ZBTB44: variants seen among roughly 807,000 people sequenced by gnomAD.
The protein encoded by ZBTB44 is zinc finger and BTB domain-containing protein 44.
A neutral mutation model predicts 54.0 loss-of-function variants in ZBTB44; 15 were observed. That is an observed-to-expected ratio of 0.28 (90% CI 0.19 to 0.43). ZBTB44 has a LOEUF of 0.43. Among genes scored for constraint, ZBTB44 ranks in the 20% least tolerant of loss-of-function variants. The probability of loss-of-function intolerance (pLI) is 1.00; values close to 1 mark genes in which losing one functional copy is unlikely to be tolerated. For synonymous variants in ZBTB44, 230 were observed against 250.1 expected (o/e 0.92, Z 0.76); for missense variants, 487 against 707.1 (o/e 0.69, Z 3.53).
At chr11:130,309,476 T>C (rs529871433) in intron 1 of ZBTB44, among the ~76,000 whole-genome samples, 22 of 152,298 alleles carry the variant, frequency 1.4e-4, no homozygotes, top group African/African-American at 4.8e-4. Context: ...TAATTATGAA[T>C]TTATATCAAA....
chr11:130,300,682 G>A (rs1941940868), intron 1 of ZBTB44, among the ~76,000 whole-genome samples: 2 of 152,178 alleles, frequency 1.3e-5, no homozygotes, highest in African/African-American at 2.4e-5. Flanking sequence ...GTCAAATGCT[G>A]CTGACTGGTC....
Position 130,231,023 on chromosome 11 carries a change from T to A in ZBTB44, c.*741A>T, listed in dbSNP as rs1953857480. 6.6e-6 allele frequency: 1 copy of A among 152,106 alleles called. No individual in the cohort carries two copies. The allele number at this position is 152,106 out of a possible 1,614,324, so 9.4% of individuals were successfully genotyped here. A position where few individuals can be genotyped will look rare whatever the true frequency, so the allele number is the denominator to read the frequency against. On this transcript the variant is annotated 3_prime_UTR_variant, in exon 8 of 8. Coordinates refer to ENST00000357899, the MANE Select transcript of ZBTB44 (RefSeq NM_001301098.2). Reference sequence around the variant, plus strand: ...TACCACAAAGTTACCCTCCTGGCCTTAAGAAAGATAGCTACGTTTAAGCAC... The same window carrying A: ...TACCACAAAGTTACCCTCCTGGCCTAAAGAAAGATAGCTACGTTTAAGCAC...
At chr11:130,293,278 A>ATGATGAAACTCCATCT in intron 1 of ZBTB44, among the ~76,000 whole-genome samples, 1 of 149,952 alleles carries the variant, frequency 6.7e-6, no homozygotes, top group Non-Finnish European at 1.5e-5. Flanking sequence ...CCTGGGCAAC[A>ATGATGAAACTCCATCT]CAGAGAGAAC....
At chr11:130,283,969 C>CAAAAAAAAAAAAAAAAAAAAAAAAAAAAA (rs71061377) in intron 1 of ZBTB44, among the ~76,000 whole-genome samples, 6 of 45,174 alleles carry the variant, frequency 1.3e-4, no homozygotes, top group African/African-American at 3.4e-4. Context: ...GACTCCATCT[C>CAAAAAAAAAAAAAAAAAAAAAAAAAAAAA]AAAAAAAAAA....
chr11:130,244,668 A>G (rs62945362), intron 2 of ZBTB44, among the ~76,000 whole-genome samples: 6 of 11,488 alleles, frequency 5.2e-4, no homozygotes, highest in South Asian at 2.3e-3. Context: ...CTCTGTCTGG[A>G]AAAAAAAAAA....
At chr11:130,305,766 A>T (rs752092035) in intron 1 of ZBTB44, among the ~76,000 whole-genome samples, 9 of 152,230 alleles carry the variant, frequency 5.9e-5, no homozygotes, top group Non-Finnish European at 1.2e-4. Flanking sequence ...ATTAAACTAA[A>T]AAGCTTCTAC....
In ZBTB44 at chr11:130,231,533, A is replaced by AT. The variant is rs1313648470; in HGVS notation, c.*230dup. ...CCCTCATTCTGAGAACACAGTCAGA[A>AT]TATCTTGGAGCTACCAACATTGTGC... On this transcript the variant is annotated 3_prime_UTR_variant, in exon 8 of 8. Transcript: ENST00000357899. 1.3e-5 allele frequency: 2 copies of AT among 152,170 alleles called. No homozygotes were observed. Among genetic ancestry groups the AT allele is most frequent in the Admixed American group, 1.3e-4 (2 of 15,276 alleles). The allele number at this position is 152,170 out of a possible 1,614,324, so 9.4% of individuals were successfully genotyped here. A position where few individuals can be genotyped will look rare whatever the true frequency, so the allele number is the denominator to read the frequency against.
intron 2 of ZBTB44, among the ~76,000 whole-genome samples, chr11:130,257,634 G>A (rs1436540953): frequency 6.6e-6 from 1 of 152,188 alleles, no homozygotes; most frequent in East Asian, 1.9e-4. Context: ...TCTGGCCTCT[G>A]ACTATGAGAG....
chr11:130,305,614 G>C (rs1201737292), intron 1 of ZBTB44, among the ~76,000 whole-genome samples: 2 of 152,160 alleles, frequency 1.3e-5, no homozygotes, highest in South Asian at 2.1e-4. Flanking sequence ...ACACAAGGTG[G>C]ATCAAAGACT....
Position 130,238,612 on chromosome 11 carries a change from A to G in ZBTB44, c.1104-5T>C. 6.2e-7 allele frequency: 1 copy of G among 1,608,904 alleles called. No homozygotes were observed. The highest frequency in any genetic ancestry group is 1.1e-5 in the South Asian group (1 of 89,820). On this transcript the variant is annotated splice_polypyrimidine_tract_variant and splice_region_variant and intron_variant, in intron 3 of 7. Transcript: ENST00000357899. ...GGATACTGAACATTTTCCAATCTAA[A>G]AAAAACAGACCAAAGAAGGCAACCA...
At chr11:130,243,393 G>C (rs1279698198) in intron 2 of ZBTB44, among the ~76,000 whole-genome samples, 2 of 152,334 alleles carry the variant, frequency 1.3e-5, no homozygotes, top group African/African-American at 4.8e-5. Flanking sequence ...GTTTGCTTCT[G>C]CTAGGTTCCT....
At chr11:130,285,423 C>T (rs1940888444) in intron 1 of ZBTB44, 2 of 152,400 alleles carry the variant, frequency 1.3e-5, no homozygotes. Context: ...TCCTGAGTAG[C>T]TGGGATTACA....
At position 130,300,082 on chromosome 11, in the gene ZBTB44, C is replaced by T. The variant is rs147592458; in HGVS notation, c.-57+14293G>A. ...TTAAGGAACAAATACCATATGATTC[C>T]GATTACACGATGTACTTAGAGGACA... On this transcript the variant is annotated intron_variant, in intron 1 of 7. Coordinates refer to ENST00000357899, the MANE Select transcript of ZBTB44 (RefSeq NM_001301098.2). Among the ~76,000 whole-genome samples, 21 of 152,234 alleles carry T rather than the reference C, an allele frequency of 1.4e-4. No individual in the cohort carries two copies. The East Asian group carries it at 3.9e-3, about 28-fold the overall frequency.
chr11:130,265,296 G>A (rs1345880690), intron 1 of ZBTB44, among the ~76,000 whole-genome samples: 2 of 151,950 alleles, frequency 1.3e-5, no homozygotes, highest in African/African-American at 4.8e-5. Flanking sequence ...GCACAATCTT[G>A]GCTCACTGCA....
chr11:130,232,104 T>A (rs1953895836), intron 7 of ZBTB44: 1 of 152,186 alleles, frequency 6.6e-6, no homozygotes, highest in Non-Finnish European at 1.5e-5. Context: ...CTAAAACAGT[T>A]CTAAGGAATT....
At chr11:130,309,455 T>C (rs551052076) in intron 1 of ZBTB44, among the ~76,000 whole-genome samples, 48 of 152,316 alleles carry the variant, frequency 3.2e-4, no homozygotes, top group Middle Eastern at 3.4e-3. Context: ...AAAACTTCAT[T>C]TGAGATCACA....
At chr11:130,313,870 T>C (rs1402295892) in intron 1 of ZBTB44, among the ~76,000 whole-genome samples, 5 of 151,908 alleles carry the variant, frequency 3.3e-5, no homozygotes, top group Non-Finnish European at 5.9e-5. Flanking sequence ...ATAAAACGAC[T>C]AGATGCAGAG....
At chr11:130,278,694 T>C (rs530520809) in intron 1 of ZBTB44, among the ~76,000 whole-genome samples, 2 of 152,232 alleles carry the variant, frequency 1.3e-5, no homozygotes, top group Non-Finnish European at 2.9e-5. Flanking sequence ...AAACCCATCT[T>C]CTGCCAGTGA....
chr11:130,288,896 T>TAA (rs560248125), intron 1 of ZBTB44, among the ~76,000 whole-genome samples: 5 of 131,742 alleles, frequency 3.8e-5, no homozygotes, highest in East Asian at 2.2e-4. Flanking sequence ...GACTCCGTCT[T>TAA]AAAAAAAAAA....
Sources: allele counts gnomAD v4.1 joint callset (sites outside exome capture counted in the v4.1 genomes callset), GRCh38; gene constraint gnomAD v4.1.1; transcripts MANE v1.5; gene names NCBI Gene and HGNC (gene_info 2026-07-23, HGNC 2026-07-21).